The following ARHGAP23 variants were observed in gnomAD, a reference collection of about 807,000 sequenced individuals.
The protein encoded by ARHGAP23 is rho GTPase-activating protein 23.
A neutral mutation model predicts 136.3 loss-of-function variants in ARHGAP23; 34 were observed. The observed-to-expected ratio is 0.25, with a 90% CI of 0.19 to 0.33. ARHGAP23 has a LOEUF of 0.33. Among genes scored for constraint, ARHGAP23 ranks in the 10% least tolerant of loss-of-function variants. The probability of loss-of-function intolerance (pLI) is 1.00; values close to 1 mark genes in which losing one functional copy is unlikely to be tolerated. For missense variants in ARHGAP23, 1,808 were observed against 2,139.0 expected (o/e 0.85, Z 3.05); for synonymous variants, 832 against 920.5 (o/e 0.90, Z 1.74).
At position 38,482,524 on chromosome 17, in the gene ARHGAP23, G is replaced by A. The variant is rs945638061; in HGVS notation, c.2753G>A (p.Arg918His). 23 of 1,542,726 alleles carry A rather than the reference G, an allele frequency of 1.5e-5. No individual in the cohort carries two copies. Among genetic ancestry groups the A allele is most frequent in the African/African-American group, 8.2e-5 (6 of 72,884 alleles). The change falls in exon 16 of 24, where the codon CGC (arginine) becomes CAC (histidine). Residue 918 changes from arginine to histidine, a missense_variant and splice_region_variant. Physicochemically the swap from Arg to His is conservative, Grantham distance 29. This residue lies in a region of ARHGAP23 where 105 missense variants were observed against 200.6 expected (regional missense o/e 0.52). Coordinates refer to ENST00000622683, the MANE Select transcript of ARHGAP23 (RefSeq NM_001199417.2). ...EECQPATENQ[R>H]VPLIVAACCR... Reference sequence around the variant, plus strand: ...AACACCCCTCCCATGTGTCCCCAGCGCGTCCCCTTAATCGTGGCTGCATGC... The same window carrying A: ...AACACCCCTCCCATGTGTCCCCAGCACGTCCCCTTAATCGTGGCTGCATGC...
At chr17:38,426,325 G>C (rs1018334710), upstream of ARHGAP23, among the ~76,000 whole-genome samples, 7 of 151,850 alleles carry the variant, frequency 4.6e-5, no homozygotes, top group Non-Finnish European at 8.8e-5. Flanking sequence ...GGTGGATTAC[G>C]AGGTCAAGAG....
At chr17:38,509,606 A>C (rs1018464248) in intron 23 of ARHGAP23, among the ~76,000 whole-genome samples, 11 of 152,138 alleles carry the variant, frequency 7.2e-5, no homozygotes, top group Admixed American at 2.0e-4. Context: ...CAGGCTGCCA[A>C]GCGTTATTCA....
chr17:38,469,130 T>C lies in ARHGAP23; in HGVS notation c.1649-14T>C. The C allele has an allele frequency of 1.3e-6, 2 of 1,542,308 alleles. No individual in the cohort carries two copies. The highest frequency in any genetic ancestry group is 8.8e-7 in the Non-Finnish European group (1 of 1,141,758). On this transcript the variant is annotated splice_polypyrimidine_tract_variant and intron_variant, in intron 7 of 23. Coordinates refer to ENST00000622683, the MANE Select transcript of ARHGAP23 (RefSeq NM_001199417.2). ...GTCTGCTGCCTTCACACCTTTCTCC[T>C]TCCACATGCATAGATGAGCCCACCA...
At chr17:38,423,590 C>T (rs2038541354), upstream of ARHGAP23, among the ~76,000 whole-genome samples, 1 of 152,094 alleles carries the variant, frequency 6.6e-6, no homozygotes, top group South Asian at 2.1e-4. Flanking sequence ...CCAGGCTGGT[C>T]TCGAACTCCT....
At chr17:38,432,797 C>G (rs1012541572) in intron 1 of ARHGAP23, among the ~76,000 whole-genome samples, 1 of 152,112 alleles carries the variant, frequency 6.6e-6, no homozygotes, top group Non-Finnish European at 1.5e-5. Context: ...CCACTGCACT[C>G]CAGCCTGGGC....
chr17:38,442,502 C>T (rs2038941854), intron 1 of ARHGAP23, among the ~76,000 whole-genome samples: 1 of 152,200 alleles, frequency 6.6e-6, no homozygotes, highest in South Asian at 2.1e-4. Context: ...TCCTTGCCTT[C>T]CAGGACCTAC....
At chr17:38,507,601 G>A (rs2040663276) in intron 23 of ARHGAP23, among the ~76,000 whole-genome samples, 1 of 152,204 alleles carries the variant, frequency 6.6e-6, no homozygotes, top group African/African-American at 2.4e-5. Flanking sequence ...GCTGGGATGA[G>A]AGGGTAGTTT....
chr17:38,452,131 C>G (rs1170019575), intron 1 of ARHGAP23, among the ~76,000 whole-genome samples: 4 of 152,122 alleles, frequency 2.6e-5, no homozygotes, highest in African/African-American at 9.7e-5. Flanking sequence ...TCCCGACCTC[C>G]CTCGTGGTCC....
chr17:38,451,263 G>A (rs1258783347), intron 1 of ARHGAP23: 1 of 152,366 alleles, frequency 6.6e-6, no homozygotes, highest in Non-Finnish European at 1.5e-5. Context: ...AGGTGGTGGG[G>A]GTGGGGAAGG....
chr17:38,499,120 C>T (rs1286866006), intron 22 of ARHGAP23, among the ~76,000 whole-genome samples: 11 of 152,198 alleles, frequency 7.2e-5, no homozygotes, highest in Non-Finnish European at 5.9e-5. Context: ...ATGCCCCTCC[C>T]ATTCTAAAGC....
Position 38,510,286 on chromosome 17 carries a change from G to A in ARHGAP23, c.3790G>A (p.Ala1264Thr). ...STMDRSVCSG[A>T]SGRRAGAGDE... ...CATGGACCGCAGCGTGTGCTCGGGC[G>A]CTAGCGGTCGGCGGGCAGGGGCGGG... Residue 1264 changes from alanine (A) to threonine (T), a missense_variant, in exon 24 of 24, where the codon GCT becomes ACT. By Grantham distance (58) the Ala-to-Thr change is moderately conservative. This residue lies in a region of ARHGAP23 where 506 missense variants were observed against 455.8 expected (regional missense o/e 1.11). Coordinates refer to ENST00000622683, the MANE Select transcript of ARHGAP23 (RefSeq NM_001199417.2). This position sits in a 1 kb window ranked among gnomAD's most constrained non-coding sequence, Gnocchi z 4.6. 2 of 1,287,438 alleles carry A rather than the reference G, an allele frequency of 1.6e-6. No homozygotes were observed. The highest frequency in any genetic ancestry group is 9.8e-7 in the Non-Finnish European group (1 of 1,017,526). 79.8% of individuals were successfully genotyped at this position (1,287,438 alleles called of 1,614,324 possible). A position where few individuals can be genotyped will look rare whatever the true frequency, so the allele number is the denominator to read the frequency against.
chr17:38,462,875 A>G lies in ARHGAP23; in HGVS notation c.283A>G (p.Met95Val), dbSNP rs570657209. ...CTCCCCCCGGTACCGCCTGGAGCCC[A>G]TGGACACCATCTTTGTCAAGAATGT... ...GPSPRYRLEPMDTIFVKNVKE... is the reference protein window; with the variant it reads ...GPSPRYRLEPVDTIFVKNVKE... The change falls in exon 4 of 24, where the codon ATG becomes GTG. Residue 95 changes from methionine (M) to valine (V), a missense_variant. By Grantham distance (21) the Met-to-Val change is conservative. Transcript: ENST00000622683. The G allele has an allele frequency of 3.9e-6, 6 of 1,531,636 alleles. No individual in the cohort carries two copies. The highest frequency in any genetic ancestry group is 4.4e-6 in the Non-Finnish European group (5 of 1,140,938). The allele number at this position is 1,531,636 out of a possible 1,614,324, so 94.9% of individuals were successfully genotyped here. A position where few individuals can be genotyped will look rare whatever the true frequency, so the allele number is the denominator to read the frequency against.
chr17:38,471,248 C>T (rs1025528106), intron 10 of ARHGAP23, among the ~76,000 whole-genome samples: 1 of 152,214 alleles, frequency 6.6e-6, no homozygotes, highest in African/African-American at 2.4e-5. Flanking sequence ...CCAGCGTGCC[C>T]GCCCCACCTT....
chr17:38,475,051 A>G (rs2039860400), intron 11 of ARHGAP23, among the ~76,000 whole-genome samples: 1 of 151,696 alleles, frequency 6.6e-6, no homozygotes, highest in African/African-American at 2.4e-5. Context: ...CCAGGCCTCC[A>G]CTCCCTTGCT....
rs1295103391 is a variant in ARHGAP23, at chr17:38,466,458, C to T, written c.775C>T (p.His259Tyr). The change falls in exon 7 of 24, where the codon CAC becomes TAC. Residue 259 changes from histidine (H) to tyrosine (Y), a missense_variant. His to Tyr is a moderately conservative substitution (Grantham distance 83). Transcript: ENST00000622683. ...QPRPSPGAFP[H>Y]LSSEPRTPRA... ...CCGCCCCAGCCCTGGTGCCTTCCCC[C>T]ACCTCTCCTCGGAGCCCCGGACGCC... 2 of 1,522,574 alleles carry T rather than the reference C, an allele frequency of 1.3e-6. No homozygotes were observed. The highest frequency in any genetic ancestry group is 2.5e-5 in the East Asian group (1 of 40,682). The allele number at this position is 1,522,574 out of a possible 1,614,324, so 94.3% of individuals were successfully genotyped here.
At chr17:38,486,602 G>A (rs1335858554) in intron 17 of ARHGAP23, among the ~76,000 whole-genome samples, 14 of 145,648 alleles carry the variant, frequency 9.6e-5, no homozygotes, top group African/African-American at 3.5e-4. Flanking sequence ...AGATGTGAAT[G>A]AAGAAAACAG....
intron 22 of ARHGAP23, among the ~76,000 whole-genome samples, chr17:38,499,450 A>T (rs2040471702): frequency 6.6e-6 from 1 of 152,118 alleles, no homozygotes; most frequent in African/African-American, 2.4e-5. Context: ...GATGATTTAC[A>T]TGCTCAGAGA....
At chr17:38,429,651 C>T (rs2038643690) in intron 1 of ARHGAP23, among the ~76,000 whole-genome samples, 1 of 152,144 alleles carries the variant, frequency 6.6e-6, no homozygotes, top group African/African-American at 2.4e-5. Flanking sequence ...GCATCTCTCC[C>T]CGACTCCCTT....
At chr17:38,499,709 T>C (rs1219058237) in intron 22 of ARHGAP23, among the ~76,000 whole-genome samples, 2 of 152,026 alleles carry the variant, frequency 1.3e-5, no homozygotes, top group Non-Finnish European at 2.9e-5. Flanking sequence ...CCCATCTTGC[T>C]TTTCTCACCT....
Sources: gnomAD v4.1 joint callset for allele counts (sites outside exome capture counted in the v4.1 genomes callset) on GRCh38, gnomAD v4.1.1 for gene constraint, gnomAD v4.1.1 regional missense constraint, Gnocchi (gnomAD v3.1) non-coding constraint, MANE v1.5 for transcripts, NCBI Gene and HGNC (gene_info 2026-07-23, HGNC 2026-07-21) for gene names.